The following FLVCR1 variants were observed in gnomAD, a reference collection of about 807,000 sequenced individuals.
The protein encoded by FLVCR1 is choline/ethanolamine transporter FLVCR1.
Under a neutral mutation model 53.6 loss-of-function variants are expected in FLVCR1, and 34 were observed. That is an observed-to-expected ratio of 0.63 (90% CI 0.48 to 0.84). FLVCR1 has a LOEUF of 0.84. Among genes scored for constraint, FLVCR1 ranks in the 40% least tolerant of loss-of-function variants. The probability of loss-of-function intolerance (pLI) is 0.00; values close to 1 mark genes in which losing one functional copy is unlikely to be tolerated. For missense variants in FLVCR1, 677 were observed against 696.7 expected (o/e 0.97, Z 0.32); for synonymous variants, 300 against 286.3 (o/e 1.05, Z -0.48).
At chr1:212,866,981 C>G (rs1664454259) in intron 2 of FLVCR1, among the ~76,000 whole-genome samples, 1 of 152,148 alleles carries the variant, frequency 6.6e-6, no homozygotes, top group African/African-American at 2.4e-5. Flanking sequence ...CTTTGGATTA[C>G]TTAAAAAAAT....
chr1:212,874,378 C>G (rs1664692474), intron 3 of FLVCR1, among the ~76,000 whole-genome samples: 1 of 152,140 alleles, frequency 6.6e-6, no homozygotes, highest in Non-Finnish European at 1.5e-5. Flanking sequence ...TTTTGCATGA[C>G]ATAGTTCATT....
At chr1:212,866,815 C>T (rs1018975714) in intron 2 of FLVCR1, among the ~76,000 whole-genome samples, 1 of 152,100 alleles carries the variant, frequency 6.6e-6, no homozygotes, top group Admixed American at 6.5e-5. Flanking sequence ...TCAACTTTTG[C>T]TTGGAGGACT....
chr1:212,870,136 A>G (rs1664556028), intron 2 of FLVCR1: 1 of 152,206 alleles, frequency 6.6e-6, no homozygotes, highest in Non-Finnish European at 1.5e-5. Context: ...AGGATTTGCA[A>G]CTTAAACCTT....
rs369326119 is a variant in FLVCR1, at chr1:212,898,820, C to T, written c.*3530C>T. The T allele has an allele frequency of 1.4e-4, 22 of 152,296 alleles. 1 individual carries two copies. Among genetic ancestry groups the T allele is most frequent in the Admixed American group, 5.2e-4 (8 of 15,298 alleles). The allele number at this position is 152,296 out of a possible 1,614,324, so 9.4% of individuals were successfully genotyped here. A position where few individuals can be genotyped will look rare whatever the true frequency, so the allele number is the denominator to read the frequency against. On this transcript the variant is annotated 3_prime_UTR_variant, in exon 10 of 10. Transcript: ENST00000366971. ...ACCTGGGCTAGATGGCAAAGTCTGT[C>T]GCTTCTGGGCTACAGACCTGTACAG...
At position 212,858,935 on chromosome 1, in the gene FLVCR1, C is replaced by T. The variant is rs775427410; in HGVS notation, c.483C>T (p.Ile161=). 4.3e-6 allele frequency: 7 copies of T among 1,614,234 alleles called. No individual in the cohort carries two copies. The highest frequency in any genetic ancestry group is 5.9e-6 in the Non-Finnish European group (7 of 1,180,036). Reference sequence around the variant, plus strand: ...ACATGCTGGCCTACGTGCCCCTCATCTTCCCGGCCACCTGGCTGCTGGACA... The same window carrying T: ...ACATGCTGGCCTACGTGCCCCTCATTTTCCCGGCCACCTGGCTGCTGGACA... ...MVYMLAYVPL[I]FPATWLLDTR... is the part of the protein sequence containing the mutation. Residue 161 remains isoleucine (I), a synonymous_variant, in exon 1 of 10, where the codon ATC becomes ATT. Transcript: ENST00000366971.
In FLVCR1 at chr1:212,897,166, CAAATAAATAAATAAAT is replaced by C. The variant is rs141272551; in HGVS notation, c.*1908_*1923del. The stretch of plus-strand genomic sequence containing the variant: ...CCTGGGAGATAAAGTGAGACTGTCT[CAAATAAATAAATAAAT>C]AAATAAATAAATAAATAAATAAATA... On this transcript the variant is annotated 3_prime_UTR_variant, in exon 10 of 10. Transcript: ENST00000366971. 0.46 allele frequency: 66,318 copies of C among 143,394 alleles called. 16,438 individuals carry two copies. Among genetic ancestry groups the C allele is most frequent in the East Asian group, 0.55 (2,725 of 4,932 alleles). The allele number at this position is 143,394 out of a possible 1,614,324, so 8.9% of individuals were successfully genotyped here.
rs1394921093 is a variant in FLVCR1, at chr1:212,898,358, CCTTT to C, written c.*3069_*3072del. On this transcript the variant is annotated 3_prime_UTR_variant, in exon 10 of 10. Coordinates refer to ENST00000366971, the MANE Select transcript of FLVCR1 (RefSeq NM_014053.4). The stretch of plus-strand genomic sequence containing the variant: ...GCAGAGTATGTCCAATCATTAGCTT[CCTTT>C]GATATTTACATTACAGGTAAAAACG... 1 of 152,052 alleles carries C rather than the reference CCTTT, an allele frequency of 6.6e-6. No individual in the cohort carries two copies. The highest frequency in any genetic ancestry group is 6.6e-5 in the Admixed American group (1 of 15,262). 9.4% of individuals were successfully genotyped at this position (152,052 alleles called of 1,614,324 possible).
At position 212,863,774 on chromosome 1, in the gene FLVCR1, C is replaced by A; in HGVS notation, c.788C>A (p.Thr263Lys). ...CTACCACCAGTTTTAGTACCCAACA[C>A]ACAGAATGACACAAATCTCCTGGCT... The part of the protein sequence containing the change: ...FLLPPVLVPN[T>K]QNDTNLLACN... Residue 263 changes from threonine to lysine, a missense_variant, in exon 2 of 10, where the codon ACA (threonine) becomes AAA (lysine). Coordinates refer to ENST00000366971, the MANE Select transcript of FLVCR1 (RefSeq NM_014053.4). 1 of 1,613,860 alleles carries A rather than the reference C, an allele frequency of 6.2e-7. No individual in the cohort carries two copies.
At chr1:212,864,873 G>A (rs1664360092) in intron 2 of FLVCR1, among the ~76,000 whole-genome samples, 1 of 152,182 alleles carries the variant, frequency 6.6e-6, no homozygotes, top group African/African-American at 2.4e-5. Flanking sequence ...TGCCTTGGTA[G>A]ATGAACTGCA....
Position 212,858,814 on chromosome 1 carries a change from A to C in FLVCR1, c.362A>C (p.Asn121Thr). The change falls in exon 1 of 10, where the codon AAC becomes ACC. Residue 121 changes from asparagine (N) to threonine (T), a missense_variant. Transcript: ENST00000366971. ...ATCTTCAGCCTGTACTCGCTGGTCAACGCCTTTCAGTGGATCCAGTACAGC... is the reference window on the plus strand; with the variant it reads ...ATCTTCAGCCTGTACTCGCTGGTCACCGCCTTTCAGTGGATCCAGTACAGC... Reference protein sequence around the residue: ...LLIFSLYSLVNAFQWIQYSII... With the variant: ...LLIFSLYSLVTAFQWIQYSII... 6.2e-7 allele frequency: 1 copy of C among 1,614,192 alleles called. No homozygotes were observed.
chr1:212,879,853 G>A (rs1198660100), intron 3 of FLVCR1, among the ~76,000 whole-genome samples: 1 of 151,980 alleles, frequency 6.6e-6, no homozygotes, highest in African/African-American at 2.4e-5. Context: ...CACCACACCC[G>A]GCCAAATTTT....
In FLVCR1 at chr1:212,893,067, G is replaced by GC. The variant is rs201181910; in HGVS notation, c.1526-1919_1526-1918insC. ...ATGAAGGGTTGCTTCTTTTTTTTTG[G>GC]GGGGGGGTGCCGGAATGTTGCTGTG... On this transcript the variant is annotated intron_variant, in intron 8 of 9. Transcript: ENST00000366971. 5.2e-4 allele frequency among the ~76,000 whole-genome samples: 32 copies of GC among 61,356 alleles called. 1 individual carries two copies. The South Asian group carries it at 0.011, about 22-fold the overall frequency. 40.3% of individuals were successfully genotyped at this position (61,356 alleles called of 152,430 possible). A position where few individuals can be genotyped will look rare whatever the true frequency, so the allele number is the denominator to read the frequency against.
intron 2 of FLVCR1, among the ~76,000 whole-genome samples, chr1:212,864,845 G>A (rs1057468314): frequency 7.2e-5 from 11 of 152,166 alleles, no homozygotes; most frequent in African/African-American, 2.7e-4. Flanking sequence ...GAAGATTCTA[G>A]AGTGTTTGGG....
chr1:212,884,363 A>G (rs1367596338), intron 4 of FLVCR1, among the ~76,000 whole-genome samples: 4 of 152,048 alleles, frequency 2.6e-5, no homozygotes, highest in Non-Finnish European at 4.4e-5. Flanking sequence ...GCGCCACTGT[A>G]CTCCAGCCTA....
At position 212,896,656 on chromosome 1, in the gene FLVCR1, T is replaced by C. The variant is rs1558124390; in HGVS notation, c.*1366T>C. 1 of 151,936 alleles carries C rather than the reference T, an allele frequency of 6.6e-6. No homozygotes were observed. The highest frequency in any genetic ancestry group is 1.5e-5 in the Non-Finnish European group (1 of 67,990). The allele number at this position is 151,936 out of a possible 1,614,324, so 9.4% of individuals were successfully genotyped here. On this transcript the variant is annotated 3_prime_UTR_variant, in exon 10 of 10. Transcript: ENST00000366971. Reference sequence around the variant, plus strand: ...GCACCCAAAAAAGCTAGTCAGGTAATGAATACCCTTGAAGTGAATAGCAAT... The same window carrying C: ...GCACCCAAAAAAGCTAGTCAGGTAACGAATACCCTTGAAGTGAATAGCAAT...
intron 1 of FLVCR1, among the ~76,000 whole-genome samples, chr1:212,861,764 G>C (rs1332329868): frequency 6.6e-6 from 1 of 151,966 alleles, no homozygotes; most frequent in Non-Finnish European, 1.5e-5. Flanking sequence ...CTGCCTCCCG[G>C]GTTCATGCCA....
At chr1:212,885,510 T>A (rs7536716) in intron 5 of FLVCR1, 114 bp downstream of exon 5, 357,351 of 717,780 alleles carry the variant, frequency 0.5, 94,331 homozygotes, top group East Asian at 0.55. Context: ...AAGATACGGA[T>A]TCTAAACACT....
chr1:212,873,517 A>G (rs1270380408), intron 3 of FLVCR1, among the ~76,000 whole-genome samples: 3 of 152,204 alleles, frequency 2.0e-5, no homozygotes, highest in Non-Finnish European at 4.4e-5. Context: ...AGTGGACATT[A>G]AGGAACTCAC....
At chr1:212,878,751 G>C (rs915947330) in intron 3 of FLVCR1, among the ~76,000 whole-genome samples, 4 of 152,118 alleles carry the variant, frequency 2.6e-5, no homozygotes, top group African/African-American at 9.6e-5. Flanking sequence ...GAACTTCATA[G>C]AGAAAATTAG....
Sources: allele counts gnomAD v4.1 joint callset (sites outside exome capture counted in the v4.1 genomes callset), GRCh38; gene constraint gnomAD v4.1.1; transcripts MANE v1.5; gene names NCBI Gene and HGNC (gene_info 2026-07-23, HGNC 2026-07-21).